MAX: variants seen among roughly 807,000 people sequenced by gnomAD.
The protein encoded by MAX is MYC associated transcriptional regulator X.
MAX carries 3 observed loss-of-function variants against 22.3 expected under a neutral mutation model. That is an observed-to-expected ratio of 0.13 (90% CI 0.06 to 0.35). The LOEUF (loss-of-function observed/expected upper bound fraction) is 0.35. MAX is among the 10% of genes least tolerant of loss of function. MAX has a pLI of 1.00. For synonymous variants in MAX, 72 were observed against 77.7 expected, an observed-to-expected ratio of 0.93 and a Z score of 0.39; for missense variants, 119 against 209.4, an observed-to-expected ratio of 0.57 and a Z score of 2.66.
rs139801576 is a variant in MAX at position 65,061,212 on chromosome 14, C to G, written c.171+32496G>C. ...ACTCACCCAGTGTACAACATTGGAC[C>G]AGACAAGGTGATCCAGGCCACTACA... On this transcript the variant is annotated intron_variant, in intron 3 of 3. Transcript: ENST00000341653. 221 of 1,614,046 alleles carry G rather than the reference C, an allele frequency of 1.4e-4. No individual in the cohort carries two copies. Among genetic ancestry groups the G allele is most frequent in the Non-Finnish European group, 1.7e-4 (197 of 1,180,042 alleles).
At chr14:65,013,739 G>T (rs2061722125) in intron 3 of MAX, among the ~76,000 whole-genome samples, 1 of 152,084 alleles carries the variant, frequency 6.6e-6, no homozygotes, top group Non-Finnish European at 1.5e-5. Context: ...GTAGAGACAG[G>T]GTTTCACCAT....
Position 65,027,888 on chromosome 14 carries a change from C to A in MAX, c.172-21604G>T. On this transcript the variant is annotated intron_variant, in intron 3 of 3. Coordinates refer to the MAX transcript ENST00000341653. This position sits in a 1 kb window ranked among gnomAD's most constrained non-coding sequence, Gnocchi z 5.7. ...TCATGGGGAAGCTGCTGCTTTGTCCCAGAATGACACATGGGATGACATGTC... is the reference window on the plus strand; with the variant it reads ...TCATGGGGAAGCTGCTGCTTTGTCCAAGAATGACACATGGGATGACATGTC... 1.4e-6 allele frequency: 2 copies of A among 1,401,882 alleles called. No homozygotes were observed. Among genetic ancestry groups the A allele is most frequent in the South Asian group, 1.2e-5 (1 of 80,568 alleles). The allele number at this position is 1,401,882 out of a possible 1,614,324, so 86.8% of individuals were successfully genotyped here. A position where few individuals can be genotyped will look rare whatever the true frequency, so the allele number is the denominator to read the frequency against.
At chr14:65,006,317 A>T in intron 3 of MAX, 1 of 1,608,764 alleles carries the variant, frequency 6.2e-7, no homozygotes, top group Admixed American at 1.7e-5. Flanking sequence ...ATATCAGCTT[A>T]CTAGTATAGT....
intron 3 of MAX, among the ~76,000 whole-genome samples, chr14:65,033,008 C>T (rs1232744306): frequency 3.9e-5 from 6 of 152,050 alleles, no homozygotes; most frequent in African/African-American, 1.4e-4. Flanking sequence ...TGCGTAGGAC[C>T]CAGTAATTCC....
chr14:65,066,280 C>A (rs920290118), intron 3 of MAX, among the ~76,000 whole-genome samples: 3 of 152,330 alleles, frequency 2.0e-5, no homozygotes, highest in East Asian at 1.9e-4. Flanking sequence ...CAGGAGCTGA[C>A]CTGACAGCAG....
At chr14:65,053,032 T>C in intron 3 of MAX, 2 of 352,924 alleles carry the variant, frequency 5.7e-6, no homozygotes, top group Non-Finnish European at 1.0e-5. Flanking sequence ...CCACTTTGAA[T>C]TGCTGCTCTT....
At chr14:65,071,340 C>T (rs1165747424), downstream of MAX, among the ~76,000 whole-genome samples, 1 of 152,150 alleles carries the variant, frequency 6.6e-6, no homozygotes, top group African/African-American at 2.4e-5. The surrounding 1 kb of genome is among the most constrained non-coding windows in gnomAD (Gnocchi z 4.2). Flanking sequence ...GACGGGGTTT[C>T]ACCACATTGA....
At position 65,031,984 on chromosome 14, in the gene MAX, G is replaced by GTGTA. The variant is rs1415757778; in HGVS notation, c.172-25701_172-25700insTACA. On this transcript the variant is annotated intron_variant, in intron 3 of 3. Transcript: ENST00000341653. This position sits in a 1 kb window ranked among gnomAD's most constrained non-coding sequence, Gnocchi z 4.6. The stretch of plus-strand genomic sequence containing the variant: ...CGTGCGCCTTTTTCATTTAACGTGT[G>GTGTA]TGTGTGTGTGTGTGTGTGTGTGTGT... 1.7e-4 allele frequency among the ~76,000 whole-genome samples: 20 copies of GTGTA among 119,552 alleles called. No individual in the cohort carries two copies. Among genetic ancestry groups the GTGTA allele is most frequent in the African/African-American group, 5.1e-4 (19 of 37,008 alleles). 78.4% of individuals were successfully genotyped at this position (119,552 alleles called of 152,430 possible). A position where few individuals can be genotyped will look rare whatever the true frequency, so the allele number is the denominator to read the frequency against.
Position 65,076,222 on chromosome 14 carries a change from T to C in MAX, c.*254A>G, listed in dbSNP as rs2063051686. Reference sequence around the variant, plus strand: ...GAAAAAGCTGCCAAGTTGGGGTGTTTTGGTTTAAAAATTCCTGTTGGGGAC... The same window carrying C: ...GAAAAAGCTGCCAAGTTGGGGTGTTCTGGTTTAAAAATTCCTGTTGGGGAC... On this transcript the variant is annotated 3_prime_UTR_variant, in exon 5 of 5. Transcript: ENST00000358664. The surrounding 1 kb of genome is among the most constrained non-coding windows in gnomAD (Gnocchi z 6.6). 2.1e-6 allele frequency: 3 copies of C among 1,420,832 alleles called. No homozygotes were observed. The highest frequency in any genetic ancestry group is 2.7e-6 in the Non-Finnish European group (3 of 1,092,784). The allele number at this position is 1,420,832 out of a possible 1,614,324, so 88.0% of individuals were successfully genotyped here. A position where few individuals can be genotyped will look rare whatever the true frequency, so the allele number is the denominator to read the frequency against.
At chr14:65,015,519 T>C (rs903725647) in intron 3 of MAX, 2 of 971,372 alleles carry the variant, frequency 2.1e-6, no homozygotes, top group Non-Finnish European at 2.9e-6. Context: ...AAGGGTGCCC[T>C]CCTCCCCCTT....
chr14:65,045,401 C>A (rs2062453353), intron 3 of MAX, among the ~76,000 whole-genome samples: 1 of 141,660 alleles, frequency 7.1e-6, no homozygotes, highest in East Asian at 2.1e-4. Context: ...CTGAGCCCCC[C>A]ACCCCCCGTC....
chr14:65,023,871 C>T lies in MAX; in HGVS notation c.172-17587G>A, dbSNP rs1192104939. Among the ~76,000 whole-genome samples the T allele has an allele frequency of 1.3e-5, 2 of 152,012 alleles. No individual in the cohort carries two copies. The highest frequency in any genetic ancestry group is 1.9e-4 in the East Asian group (1 of 5,186). On this transcript the variant is annotated intron_variant, in intron 3 of 3. Transcript: ENST00000341653. The surrounding 1 kb of genome is among the most constrained non-coding windows in gnomAD (Gnocchi z 4.1). The stretch of plus-strand genomic sequence containing the variant: ...ATCCTAGCACTTTGGGAGGCCAAGG[C>T]GGGCGGATTGTCTGAGCTCGGGAGT...
chr14:65,063,524 G>A (rs576321261), intron 3 of MAX, among the ~76,000 whole-genome samples: 26 of 152,278 alleles, frequency 1.7e-4, no homozygotes, highest in African/African-American at 6.0e-4. Context: ...TCCTTTTCCA[G>A]AGGGTTTCCT....
At chr14:65,015,569 C>T (rs750592635) in intron 3 of MAX, 3 of 1,589,692 alleles carry the variant, frequency 1.9e-6, no homozygotes, top group East Asian at 2.2e-5. Context: ...GCCTTGGCAG[C>T]AGTGTCTTGG....
Position 65,032,550 on chromosome 14 carries a change from C to G in MAX, c.172-26266G>C. ...AGGCGAGCAGTCCGCCCGCGGAGTT[C>G]ACTGAGCCTCATTAGCTCTTCCGTA... On this transcript the variant is annotated intron_variant, in intron 3 of 3. Transcript: ENST00000341653. The surrounding 1 kb of genome is among the most constrained non-coding windows in gnomAD (Gnocchi z 5.0). 12 of 1,593,332 alleles carry G rather than the reference C, an allele frequency of 7.5e-6. No individual in the cohort carries two copies. Among genetic ancestry groups the G allele is most frequent in the East Asian group, 2.3e-5 (1 of 44,414 alleles).
At position 65,078,359 on chromosome 14, in the gene MAX, G is replaced by A. The variant is rs1595131983; in HGVS notation, c.172-323C>T. Reference sequence around the variant, plus strand: ...TAGGATTATAGGTGTGCGCCACCACGCCCATCTAATTTTTTTGTATTTTTA... The same window carrying A: ...TAGGATTATAGGTGTGCGCCACCACACCCATCTAATTTTTTTGTATTTTTA... On this transcript the variant is annotated intron_variant, in intron 3 of 4. Transcript: ENST00000358664. This position sits in a 1 kb window ranked among gnomAD's most constrained non-coding sequence, Gnocchi z 6.4. Among the ~76,000 whole-genome samples the A allele has an allele frequency of 2.6e-5, 4 of 151,782 alleles. No homozygotes were observed. The highest frequency in any genetic ancestry group is 4.8e-5 in the African/African-American group (2 of 41,282).
At chr14:65,033,219 G>C (rs2062120162) in intron 3 of MAX, among the ~76,000 whole-genome samples, 1 of 152,154 alleles carries the variant, frequency 6.6e-6, no homozygotes, top group Non-Finnish European at 1.5e-5. Flanking sequence ...TCTATGTTGA[G>C]TTGAAAGAAT....
chr14:65,095,602 G>T (rs2063641092), intron 2 of MAX, among the ~76,000 whole-genome samples: 2 of 152,148 alleles, frequency 1.3e-5, no homozygotes, highest in Non-Finnish European at 2.9e-5. Flanking sequence ...TATACCTAAG[G>T]AGCTTAAAGG....
chr14:65,090,172 T>G (rs535072105), intron 3 of MAX: 3 of 152,318 alleles, frequency 2.0e-5, no homozygotes, highest in South Asian at 4.1e-4. Flanking sequence ...TATGACACAC[T>G]GCCAAGATTA....
Sources: gnomAD v4.1 joint callset for allele counts (sites outside exome capture counted in the v4.1 genomes callset) on GRCh38, gnomAD v4.1.1 for gene constraint, Gnocchi (gnomAD v3.1) non-coding constraint, MANE v1.5 for transcripts, NCBI Gene and HGNC (gene_info 2026-07-23, HGNC 2026-07-21) for gene names.